RBPJ: variants seen among roughly 807,000 people sequenced by gnomAD.
RBPJ encodes recombination signal binding protein for immunoglobulin kappa J region.
In RBPJ, 9 loss-of-function variants were observed where a neutral mutation model predicts 67.8. The ratio of observed to expected loss-of-function variants is 0.13; its 90% CI spans 0.08 to 0.23. The LOEUF (loss-of-function observed/expected upper bound fraction) is 0.23, where lower values mean the gene tolerates loss of function less well. Ranked by LOEUF, RBPJ falls within the 10% of genes least tolerant of loss-of-function variation. The pLI is 1.00. For missense variants in RBPJ, 305 were observed against 595.6 expected, an observed-to-expected ratio of 0.51 and a Z score of 5.08; for synonymous variants, 198 against 203.3, an observed-to-expected ratio of 0.97 and a Z score of 0.22.
intron 2 of RBPJ, among the ~76,000 whole-genome samples, chr4:26,386,969 A>G (rs1730978730): frequency 6.6e-6 from 1 of 152,004 alleles, no homozygotes; most frequent in Non-Finnish European, 1.5e-5. Flanking sequence ...TTAGCAGTTT[A>G]TTTTTGGTGT....
At chr4:26,321,966 C>G (rs933887431) in intron 1 of RBPJ, 2 of 152,340 alleles carry the variant, frequency 1.3e-5, no homozygotes, top group Admixed American at 6.5e-5. Context: ...TCCCGCCCCC[C>G]TATCGCCACC....
At chr4:26,257,502 G>C (rs1459180764) in intron 1 of RBPJ, among the ~76,000 whole-genome samples, 1 of 152,196 alleles carries the variant, frequency 6.6e-6, no homozygotes, top group Non-Finnish European at 1.5e-5. Flanking sequence ...GGTGGTGCAT[G>C]CCTGTAATCC....
intron 8 of RBPJ, among the ~76,000 whole-genome samples, chr4:26,429,660 T>C (rs1736018745): frequency 6.6e-6 from 1 of 152,224 alleles, no homozygotes; most frequent in African/African-American, 2.4e-5. Context: ...TATTATTATT[T>C]AATATGTCAC....
upstream of RBPJ, among the ~76,000 whole-genome samples, chr4:26,163,263 A>G (rs1716133203): frequency 6.6e-6 from 1 of 152,156 alleles, no homozygotes; most frequent in Non-Finnish European, 1.5e-5. Context: ...TGCTATTAGT[A>G]AAAATCAGGC....
At position 26,240,385 on chromosome 4, in the gene RBPJ, C is replaced by T. The variant is rs16878199; in HGVS notation, c.-167+76771C>T. 3.3e-3 allele frequency among the ~76,000 whole-genome samples: 501 copies of T among 152,308 alleles called. 14 individuals carry two copies. In the East Asian group the frequency reaches 0.088, roughly 27 times the overall value. On this transcript the variant is annotated intron_variant, in intron 1 of 4. Transcript: ENST00000512351. Reference sequence around the variant, plus strand: ...AATACTTTATTCTCTAAACTATACCCTCCTCTCCAGATCAATAACATTCAC... The same window carrying T: ...AATACTTTATTCTCTAAACTATACCTTCCTCTCCAGATCAATAACATTCAC...
chr4:26,209,532 C>T (rs1718289772), intron 1 of RBPJ, among the ~76,000 whole-genome samples: 1 of 150,984 alleles, frequency 6.6e-6, no homozygotes, highest in Admixed American at 6.6e-5. Flanking sequence ...AAGTGACATC[C>T]TATCTCCTTC....
chr4:26,348,987 G>A (rs1412936794), intron 1 of RBPJ, among the ~76,000 whole-genome samples: 1 of 152,058 alleles, frequency 6.6e-6, no homozygotes, highest in African/African-American at 2.4e-5. Flanking sequence ...GGTTACAGGC[G>A]TGAGCTACCA....
intron 1 of RBPJ, among the ~76,000 whole-genome samples, chr4:26,288,670 C>A (rs912864464): frequency 2.0e-5 from 3 of 152,212 alleles, no homozygotes; most frequent in African/African-American, 7.2e-5. Flanking sequence ...AACACGTATT[C>A]TTTAAACTAG....
chr4:26,140,834 CAAATAAATAAAT>C, the RBPJ span, among the ~76,000 whole-genome samples: 60 of 138,512 alleles, frequency 4.3e-4, no homozygotes, highest in Admixed American at 1.1e-3. Context: ...GACCCTTCCA[CAAATAAATAAAT>C]AAATAAATAA....
At chr4:26,398,070 T>A (rs1560322570) in intron 2 of RBPJ, among the ~76,000 whole-genome samples, 1 of 150,860 alleles carries the variant, frequency 6.6e-6, no homozygotes, top group East Asian at 1.9e-4. Context: ...ACGAGTGATA[T>A]TGTGTGTGTG....
At chr4:26,351,506 A>G (rs1413009214) in intron 1 of RBPJ, among the ~76,000 whole-genome samples, 1 of 152,098 alleles carries the variant, frequency 6.6e-6, no homozygotes, top group Non-Finnish European at 1.5e-5. Context: ...TCAGCTTCCC[A>G]AGTAGATGGG....
chr4:26,232,911 A>G (rs892387878), intron 1 of RBPJ, among the ~76,000 whole-genome samples: 9 of 152,222 alleles, frequency 5.9e-5, no homozygotes, highest in Admixed American at 3.9e-4. Context: ...TAATTTGACT[A>G]TTGTAATTTA....
the RBPJ span, among the ~76,000 whole-genome samples, chr4:26,122,492 C>T: frequency 6.6e-6 from 1 of 152,144 alleles, no homozygotes; most frequent in East Asian, 1.9e-4. Context: ...AGTAAACTCA[C>T]CCATTCGAGG....
the RBPJ span, among the ~76,000 whole-genome samples, chr4:26,120,605 C>A: frequency 6.6e-6 from 1 of 151,996 alleles, no homozygotes; most frequent in East Asian, 1.9e-4. Flanking sequence ...AACCTTGGCA[C>A]CATATTGCTC....
At chr4:26,331,385 C>T (rs75794859) in intron 1 of RBPJ, among the ~76,000 whole-genome samples, 9,070 of 151,582 alleles carry the variant, frequency 0.06, 410 homozygotes, top group Non-Finnish European at 0.091. Context: ...CTGTACCCAA[C>T]GTTATGTTTT....
intron 1 of RBPJ, among the ~76,000 whole-genome samples, chr4:26,365,366 T>C (rs1380999770): frequency 6.6e-6 from 1 of 152,194 alleles, no homozygotes; most frequent in Non-Finnish European, 1.5e-5. Flanking sequence ...TGCTACTTTA[T>C]CCATGATCAT....
chr4:26,414,633 A>AT lies in RBPJ; in HGVS notation c.156-841dup, dbSNP rs201221008. On this transcript the variant is annotated intron_variant, in intron 3 of 10. Transcript: ENST00000355476. ...GAGCAAAGGTGAATTTACACCCTAT[A>AT]TAAGGACTGGATTGATGGTCTGAAC... 5.3e-4 allele frequency among the ~76,000 whole-genome samples: 80 copies of AT among 152,356 alleles called. No individual in the cohort carries two copies. In the East Asian group the frequency reaches 0.014, roughly 27 times the overall value.
chr4:26,320,590 C>T (rs952566716), upstream of RBPJ: 2 of 715,260 alleles, frequency 2.8e-6, no homozygotes, highest in Non-Finnish European at 2.3e-6. Context: ...TTCATCTAGG[C>T]CTGTGAAACG....
chr4:26,111,167 C>T, the RBPJ span, among the ~76,000 whole-genome samples: 1 of 152,076 alleles, frequency 6.6e-6, no homozygotes, highest in African/African-American at 2.4e-5. Context: ...CCACTTGTCT[C>T]CACTCTACTG....
Sources: allele counts gnomAD v4.1 joint callset (sites outside exome capture counted in the v4.1 genomes callset), GRCh38; gene constraint gnomAD v4.1.1; transcripts MANE v1.5; gene names NCBI Gene and HGNC (gene_info 2026-07-23, HGNC 2026-07-21).